The following KCTD16 variants were observed in gnomAD, a reference collection of about 807,000 sequenced individuals.
The protein encoded by KCTD16 is BTB/POZ domain-containing protein KCTD16.
A neutral mutation model predicts 33.2 loss-of-function variants in KCTD16; 13 were observed. The observed-to-expected ratio is 0.39, with a 90% CI of 0.25 to 0.62. The LOEUF (loss-of-function observed/expected upper bound fraction) is 0.62, where lower values mean the gene tolerates loss of function less well. Among genes scored for constraint, KCTD16 ranks in the 20% least tolerant of loss-of-function variants. The probability of loss-of-function intolerance (pLI) is 0.50; values close to 1 mark genes in which losing one functional copy is unlikely to be tolerated. For missense variants in KCTD16, 441 were observed against 525.1 expected (o/e 0.84, Z 1.57); for synonymous variants, 197 against 195.3 (o/e 1.01, Z -0.07).
chr5:144,267,080 G>A (rs1360849585), intron 3 of KCTD16, among the ~76,000 whole-genome samples: 1 of 152,192 alleles, frequency 6.6e-6, no homozygotes, highest in Non-Finnish European at 1.5e-5. Flanking sequence ...GGTGAAATCA[G>A]CAGAAAAATG....
chr5:144,180,800 A>G (rs538039915), intron 2 of KCTD16, among the ~76,000 whole-genome samples: 1 of 152,328 alleles, frequency 6.6e-6, no homozygotes, highest in African/African-American at 2.4e-5. Context: ...GAGAGAGAAA[A>G]AAAGCTGTAT....
chr5:144,443,919 C>A (rs73299622), intron 3 of KCTD16, among the ~76,000 whole-genome samples: 1 of 151,964 alleles, frequency 6.6e-6, no homozygotes, highest in Non-Finnish European at 1.5e-5. Context: ...GGATATCCAG[C>A]CCCTCAAGCA....
chr5:144,355,884 ATTC>A (rs1223817898), intron 3 of KCTD16, among the ~76,000 whole-genome samples: 3 of 152,120 alleles, frequency 2.0e-5, no homozygotes, highest in African/African-American at 7.2e-5. Flanking sequence ...AATCCTATCT[ATTC>A]TTGTAAATCA....
At chr5:144,362,982 A>C (rs1432898646) in intron 3 of KCTD16, among the ~76,000 whole-genome samples, 1 of 152,150 alleles carries the variant, frequency 6.6e-6, no homozygotes, top group African/African-American at 2.4e-5. Flanking sequence ...AGTTCTTTCC[A>C]TTTGTTTTAC....
intron 3 of KCTD16, among the ~76,000 whole-genome samples, chr5:144,226,565 G>GA (rs919466123): frequency 2.7e-5 from 4 of 145,768 alleles, no homozygotes; most frequent in Admixed American, 6.7e-5. Context: ...TTGACTTTGA[G>GA]AAAAAAAAAT....
intron 3 of KCTD16, among the ~76,000 whole-genome samples, chr5:144,327,678 CA>C (rs1439844527): frequency 1.3e-5 from 2 of 152,010 alleles, no homozygotes. Context: ...AAAAATGACC[CA>C]CAAAAAATCA....
At chr5:144,176,626 T>A (rs1752514081) in intron 2 of KCTD16, among the ~76,000 whole-genome samples, 1 of 151,680 alleles carries the variant, frequency 6.6e-6, no homozygotes, top group Non-Finnish European at 1.5e-5. Flanking sequence ...ATGGTCTCGA[T>A]CTCCTGACCT....
chr5:144,224,001 T>A (rs1374996457), intron 3 of KCTD16, among the ~76,000 whole-genome samples: 1 of 152,166 alleles, frequency 6.6e-6, no homozygotes, highest in Non-Finnish European at 1.5e-5. Context: ...AATTTCCCTC[T>A]CTTGAAAACT....
At chr5:144,247,910 A>G (rs1372795136) in intron 3 of KCTD16, among the ~76,000 whole-genome samples, 2 of 152,160 alleles carry the variant, frequency 1.3e-5, no homozygotes, top group Admixed American at 6.5e-5. Flanking sequence ...CCTGCAAGCA[A>G]CACCTGATGA....
intron 2 of KCTD16, among the ~76,000 whole-genome samples, chr5:144,184,966 G>T (rs2126776117): frequency 6.6e-6 from 1 of 152,250 alleles, no homozygotes; most frequent in East Asian, 1.9e-4. Flanking sequence ...CATTATTTCA[G>T]ATCTCAGTAA....
At chr5:144,425,027 C>T (rs1753293517) in intron 3 of KCTD16, among the ~76,000 whole-genome samples, 1 of 152,054 alleles carries the variant, frequency 6.6e-6, no homozygotes, top group African/African-American at 2.4e-5. Flanking sequence ...GTCCAAAGTC[C>T]AGAGTCTCAT....
chr5:144,326,279 G>A (rs1326407707), intron 3 of KCTD16, among the ~76,000 whole-genome samples: 4 of 152,116 alleles, frequency 2.6e-5, no homozygotes, highest in African/African-American at 9.7e-5. Flanking sequence ...TAAAGTCTGT[G>A]AAGTAAATTG....
intron 3 of KCTD16, among the ~76,000 whole-genome samples, chr5:144,211,004 A>C (rs899942851): frequency 6.6e-6 from 1 of 152,174 alleles, no homozygotes; most frequent in South Asian, 2.1e-4. Flanking sequence ...TCTTTTCAAC[A>C]AATTGCAGCT....
rs1752458902 is a variant in KCTD16, at chr5:144,174,388, G to A, written c.-411G>A. The stretch of plus-strand genomic sequence containing the variant: ...CTCCTACCGTCAGCTATATCCACAA[G>A]CATCACATGAAGTGGAGATCTGGCA... On this transcript the variant is annotated 5_prime_UTR_variant, in exon 2 of 4. Transcript: ENST00000512467. 1 of 152,166 alleles carries A rather than the reference G, an allele frequency of 6.6e-6. No homozygotes were observed. Among genetic ancestry groups the A allele is most frequent in the African/African-American group, 2.4e-5 (1 of 41,436 alleles). 9.4% of individuals were successfully genotyped at this position (152,166 alleles called of 1,614,324 possible).
At chr5:144,352,961 TG>T (rs1343247681) in intron 3 of KCTD16, among the ~76,000 whole-genome samples, 1 of 152,256 alleles carries the variant, frequency 6.6e-6, no homozygotes, top group East Asian at 1.9e-4. Context: ...ACATTTAATT[TG>T]ATTTTGTTCA....
At chr5:144,355,552 T>C (rs927784418) in intron 3 of KCTD16, among the ~76,000 whole-genome samples, 7 of 152,200 alleles carry the variant, frequency 4.6e-5, no homozygotes, top group Non-Finnish European at 8.8e-5. Flanking sequence ...CTCACCTCTG[T>C]GGGCCTTAGT....
chr5:144,227,213 T>C (rs1056966654), intron 3 of KCTD16, among the ~76,000 whole-genome samples: 1 of 152,104 alleles, frequency 6.6e-6, no homozygotes, highest in African/African-American at 2.4e-5. Context: ...GGGATGTGTG[T>C]TGGAATTTTA....
chr5:144,313,293 C>T (rs1408523730), intron 3 of KCTD16, among the ~76,000 whole-genome samples: 3 of 152,180 alleles, frequency 2.0e-5, no homozygotes, highest in East Asian at 1.9e-4. Flanking sequence ...CATCCATCTC[C>T]TGCTAGACAT....
At chr5:144,313,531 C>G (rs1751826085) in intron 3 of KCTD16, among the ~76,000 whole-genome samples, 1 of 152,134 alleles carries the variant, frequency 6.6e-6, no homozygotes, top group Non-Finnish European at 1.5e-5. Context: ...TTAGAAAGTG[C>G]AGCTACAATT....
Sources: gnomAD v4.1 joint callset for allele counts (sites outside exome capture counted in the v4.1 genomes callset) on GRCh38, gnomAD v4.1.1 for gene constraint, MANE v1.5 for transcripts, NCBI Gene and HGNC (gene_info 2026-07-23, HGNC 2026-07-21) for gene names.